Variants in TEX26 observed in about 807,000 individuals in gnomAD.
TEX26 encodes testis expressed 26.
TEX26 carries 34 observed loss-of-function variants against 35.3 expected under a neutral mutation model. The observed-to-expected ratio is 0.96, with a 90% CI of 0.73 to 1.28. TEX26 has a LOEUF of 1.28. Ranked by LOEUF, TEX26 falls within the 50% of genes most tolerant of loss-of-function variation. The pLI is 0.00. For synonymous variants in TEX26, 136 were observed against 111.8 expected (o/e 1.22, Z -1.36); for missense variants, 371 against 330.1 (o/e 1.12, Z -0.96).
intron 4 of TEX26, among the ~76,000 whole-genome samples, chr13:30,963,668 A>G (rs972009188): frequency 2.6e-5 from 4 of 152,168 alleles, no homozygotes. Context: ...TAAATACTTA[A>G]TGAGTTCTAT....
Position 30,966,359 on chromosome 13 carries a change from G to A in TEX26, c.607G>A (p.Gly203Arg), listed in dbSNP as rs772575617. The change falls in exon 5 of 7, where the codon GGA (glycine) becomes AGA (arginine). Residue 203 changes from glycine (G) to arginine (R), a missense_variant. Transcript: ENST00000380473. ...GCTTCAAGATTTCAGTTTCAAATAT[G>A]GATGCTACTCAAGCTTGCCTGTTGC... ...PELQDFSFKYGCYSSLPVASQ... is the reference protein window; with the variant it reads ...PELQDFSFKYRCYSSLPVASQ... 2 of 1,613,540 alleles carry A rather than the reference G, an allele frequency of 1.2e-6. No individual in the cohort carries two copies. The highest frequency in any genetic ancestry group is 8.5e-7 in the Non-Finnish European group (1 of 1,179,884).
intron 2 of TEX26, among the ~76,000 whole-genome samples, chr13:30,941,626 T>C (rs1407844267): frequency 6.6e-6 from 1 of 152,200 alleles, no homozygotes; most frequent in Non-Finnish European, 1.5e-5. Flanking sequence ...TATGTAATTT[T>C]TTATTCCTCA....
chr13:30,962,184 G>A (rs566608665), intron 4 of TEX26, among the ~76,000 whole-genome samples: 2 of 152,190 alleles, frequency 1.3e-5, no homozygotes, highest in Non-Finnish European at 2.9e-5. Context: ...CAGCCATCAT[G>A]AGTCTCCAGA....
chr13:30,969,199 C>T (rs1015632030), intron 6 of TEX26, among the ~76,000 whole-genome samples, 153 bp downstream of exon 6: 4 of 150,394 alleles, frequency 2.7e-5, no homozygotes, highest in African/African-American at 9.8e-5. Flanking sequence ...GTTGTGCAAA[C>T]CTCAATCCAC....
chr13:30,962,217 T>C (rs939713673), intron 4 of TEX26, among the ~76,000 whole-genome samples: 8 of 152,248 alleles, frequency 5.3e-5, no homozygotes, highest in African/African-American at 1.9e-4. Context: ...TGTCACTTTA[T>C]GGATTAAAAC....
At chr13:30,974,131 A>AAAAAAAATATATATATATATATATAT in intron 6 of TEX26, among the ~76,000 whole-genome samples, 1 of 84,416 alleles carries the variant, frequency 1.2e-5, no homozygotes, top group Non-Finnish European at 2.2e-5. Context: ...AAAAAAAAAA[A>AAAAAAAATATATATATATATATATAT]ATATATATAT....
chr13:30,950,904 G>A (rs1445110513), intron 2 of TEX26, among the ~76,000 whole-genome samples: 2 of 152,214 alleles, frequency 1.3e-5, no homozygotes, highest in Non-Finnish European at 1.5e-5. Context: ...GTGAAATGGG[G>A]AAGGGAGAAT....
intron 2 of TEX26, among the ~76,000 whole-genome samples, chr13:30,946,368 A>T (rs9594406): frequency 0.32 from 49,074 of 151,426 alleles, 9,301 homozygotes; most frequent in Non-Finnish European, 0.42. Flanking sequence ...TAATTTCTTT[A>T]TGTTGGTTTT....
Position 30,942,718 on chromosome 13 carries a change from G to A in TEX26, c.146+2940G>A, listed in dbSNP as rs191696073. ...GTGAGAGATGCTAGCCAATTTTCCC[G>A]GCACCATTTATTAAATATGGTGTCC... is the stretch of plus-strand genomic sequence containing the variant. On this transcript the variant is annotated intron_variant, in intron 2 of 6. Transcript: ENST00000380473. Among the ~76,000 whole-genome samples the A allele has an allele frequency of 3.6e-4, 54 of 151,404 alleles. 3 individuals are homozygous for A. In the South Asian group the frequency reaches 6.9e-3, roughly 19 times the overall value.
At chr13:30,938,828 C>T (rs1285510318) in intron 1 of TEX26, among the ~76,000 whole-genome samples, 3 of 152,164 alleles carry the variant, frequency 2.0e-5, no homozygotes, top group Non-Finnish European at 4.4e-5. Context: ...TTTTCAGCCC[C>T]TTCACTGGCT....
chr13:30,932,838 C>A, intron 1 of TEX26, 62 bp downstream of exon 1: 2 of 1,568,288 alleles, frequency 1.3e-6, no homozygotes, highest in South Asian at 1.2e-5. Context: ...GGGAAAGGGT[C>A]CTGTTGAGAA....
At chr13:30,941,517 T>C (rs940121264) in intron 2 of TEX26, among the ~76,000 whole-genome samples, 2 of 152,218 alleles carry the variant, frequency 1.3e-5, no homozygotes, top group African/African-American at 2.4e-5. Flanking sequence ...CAATAGCTTT[T>C]GCGGTACAGG....
chr13:30,968,851 C>T, intron 5 of TEX26, 34 bp from the exon 6 acceptor site: 1 of 1,598,962 alleles, frequency 6.3e-7, no homozygotes, highest in Non-Finnish European at 8.5e-7. Flanking sequence ...GGGTGCCAGC[C>T]TTCCGACCTC....
intron 2 of TEX26, among the ~76,000 whole-genome samples, chr13:30,944,444 T>C (rs1953627400): frequency 6.6e-6 from 1 of 151,914 alleles, no homozygotes; most frequent in Non-Finnish European, 1.5e-5. Flanking sequence ...TTTAATTTCA[T>C]TTTGTTCTTC....
At chr13:30,945,778 GGT>G (rs542778588) in intron 2 of TEX26, among the ~76,000 whole-genome samples, 74 of 151,922 alleles carry the variant, frequency 4.9e-4, no homozygotes, top group African/African-American at 1.8e-3. Context: ...AATCCCTTCT[GGT>G]TTGTAAGGTT....
At chr13:30,956,216 C>A (rs1954123002) in intron 3 of TEX26, among the ~76,000 whole-genome samples, 1 of 134,514 alleles carries the variant, frequency 7.4e-6, no homozygotes, top group Non-Finnish European at 1.5e-5. Context: ...CTTCCTGTGT[C>A]CATGTGTTCT....
intron 1 of TEX26, among the ~76,000 whole-genome samples, chr13:30,937,188 T>C (rs1263109399): frequency 4.6e-5 from 7 of 152,154 alleles, no homozygotes; most frequent in Admixed American, 3.9e-4. Context: ...GCTGCTCTTG[T>C]CCGTCAGACT....
At chr13:30,971,549 A>G (rs1954711670) in intron 6 of TEX26, among the ~76,000 whole-genome samples, 1 of 152,212 alleles carries the variant, frequency 6.6e-6, no homozygotes, top group African/African-American at 2.4e-5. Context: ...GGTGAAATAC[A>G]GAGAAGAGAA....
chr13:30,966,066 G>A (rs146250922), intron 4 of TEX26, among the ~76,000 whole-genome samples, 156 bp from the exon 5 acceptor site: 1 of 152,140 alleles, frequency 6.6e-6, no homozygotes, highest in South Asian at 2.1e-4. Flanking sequence ...GATCATTTGA[G>A]TATATACTTC....
Sources: allele counts gnomAD v4.1 joint callset (sites outside exome capture counted in the v4.1 genomes callset), GRCh38; gene constraint gnomAD v4.1.1; transcripts MANE v1.5; gene names NCBI Gene and HGNC (gene_info 2026-07-23, HGNC 2026-07-21).